ZEB2: variants seen among roughly 807,000 people sequenced by gnomAD.
ZEB2 encodes zinc finger E-box-binding homeobox 2.
Under a neutral mutation model 99.9 loss-of-function variants are expected in ZEB2, and 6 were observed. The ratio of observed to expected loss-of-function variants is 0.06; its 90% CI spans 0.03 to 0.12. The LOEUF (loss-of-function observed/expected upper bound fraction) is 0.12, where lower values mean the gene tolerates loss of function less well. Among genes scored for constraint, ZEB2 ranks in the 10% least tolerant of loss-of-function variants. The pLI, the probability that ZEB2 is intolerant of heterozygous loss-of-function variation, is 1.00. For synonymous variants in ZEB2, 517 were observed against 542.5 expected (o/e 0.95, Z 0.65); for missense variants, 969 against 1,502.8 (o/e 0.64, Z 5.87).
intron 2 of ZEB2, chr2:144,507,280 C>A (rs1704963376): frequency 6.6e-6 from 1 of 152,058 alleles, no homozygotes; most frequent in South Asian, 2.1e-4. Context: ...GGATTAGATA[C>A]AATAGAGTAT....
chr2:144,517,743 G>A, intron 1 of ZEB2: 2 of 696,462 alleles, frequency 2.9e-6, no homozygotes, highest in Non-Finnish European at 5.2e-6. Context: ...GGGCTAGGCG[G>A]ACCCTTTCCT....
Position 144,433,048 on chromosome 2 carries a change from T to G in ZEB2, c.74-3022A>C, listed in dbSNP as rs534355050. On this transcript the variant is annotated intron_variant, in intron 2 of 9. Transcript: ENST00000627532. ...ACCCTTTGCATGAGTCTCAGCAAAATTTTAGACATGTATTGGAGCTACATG... is the reference window on the plus strand; with the variant it reads ...ACCCTTTGCATGAGTCTCAGCAAAAGTTTAGACATGTATTGGAGCTACATG... Among the ~76,000 whole-genome samples the G allele has an allele frequency of 4.6e-5, 7 of 152,272 alleles. No individual in the cohort carries two copies. In the South Asian group the frequency reaches 1.2e-3, roughly 27 times the overall value.
At position 144,398,963 on chromosome 2, in the gene ZEB2, G is replaced by A; in HGVS notation, c.2224C>T (p.Pro742Ser). ...CTGTTGTGGAGTTCTGCTATAGATG[G>A]TGATGTTATGGAGTCCATAGGTTTT... ...PVKPMDSITS[P>S]SIAELHNSVT... The change falls in exon 8 of 10, where the codon CCA becomes TCA. Residue 742 changes from proline (P) to serine (S), a missense_variant. Physicochemically the swap from Pro to Ser is moderately conservative, Grantham distance 74. Around this residue, in one of 8 missense-constraint regions of ZEB2, gnomAD observed 346 missense variants for 460.0 expected, o/e 0.75. Coordinates refer to ENST00000627532, the MANE Select transcript of ZEB2 (RefSeq NM_014795.4). 6.2e-7 allele frequency: 1 copy of A among 1,614,192 alleles called. No homozygotes were observed. The highest frequency in any genetic ancestry group is 8.5e-7 in the Non-Finnish European group (1 of 1,180,036).
intron 2 of ZEB2, among the ~76,000 whole-genome samples, chr2:144,441,128 C>T (rs1462319753): frequency 7.0e-6 from 1 of 143,372 alleles, no homozygotes; most frequent in East Asian, 2.0e-4. Flanking sequence ...GTTCAATGAT[C>T]ACCCTCTTTT....
In ZEB2 at chr2:144,398,876, G is replaced by C; in HGVS notation, c.2311C>G (p.Pro771Ala). Reference protein sequence around the residue: ...TKPSHFTNIKPVEKLDHSRSN... With the variant: ...TKPSHFTNIKAVEKLDHSRSN... ...CTGGAGTGGTCCAATTTTTCAACTG[G>C]TTTAATATTGGTAAAATGGGAAGGT... The change falls in exon 8 of 10, where the codon CCA (proline) becomes GCA (alanine). Residue 771 changes from proline (P) to alanine (A), a missense_variant. This residue lies in a region of ZEB2 where 346 missense variants were observed against 460.0 expected (regional missense o/e 0.75). Coordinates refer to ENST00000627532, the MANE Select transcript of ZEB2 (RefSeq NM_014795.4). 10 of 1,614,156 alleles carry C rather than the reference G, an allele frequency of 6.2e-6. No homozygotes were observed. The highest frequency in any genetic ancestry group is 8.5e-6 in the Non-Finnish European group (10 of 1,180,016).
intron 2 of ZEB2, chr2:144,503,899 T>C (rs573867568): frequency 1.2e-4 from 18 of 152,120 alleles, no homozygotes; most frequent in Non-Finnish European, 1.8e-4. Flanking sequence ...GGAGTATCTC[T>C]TCAAATATAA....
At chr2:144,427,771 G>A (rs1703708686) in intron 3 of ZEB2, 1 of 152,170 alleles carries the variant, frequency 6.6e-6, no homozygotes, top group Admixed American at 6.5e-5. Flanking sequence ...AGCCAAATGA[G>A]ATTAGGGATT....
At chr2:144,410,869 T>C (rs1703450580) in intron 4 of ZEB2, among the ~76,000 whole-genome samples, 1 of 151,612 alleles carries the variant, frequency 6.6e-6, no homozygotes, top group Middle Eastern at 3.4e-3. Context: ...TTGCAGCAAG[T>C]ATATGTAAAA....
intron 2 of ZEB2, among the ~76,000 whole-genome samples, chr2:144,467,446 C>G (rs1246186146): frequency 1.3e-5 from 2 of 152,028 alleles, no homozygotes; most frequent in East Asian, 1.9e-4. Context: ...AGACATAGAG[C>G]CTTTTAAGAA....
At chr2:144,396,740 A>T in intron 8 of ZEB2, 148 bp from the exon 9 acceptor site, 1 of 774,686 alleles carries the variant, frequency 1.3e-6, no homozygotes, top group Non-Finnish European at 2.2e-6. Context: ...ACAATATATG[A>T]GGTCTCAATA....
intron 2 of ZEB2, among the ~76,000 whole-genome samples, chr2:144,474,626 G>A (rs906488751): frequency 2.9e-4 from 44 of 152,130 alleles, no homozygotes; most frequent in Non-Finnish European, 2.4e-4. Context: ...AGAGTACTAC[G>A]TAATAACTGA....
chr2:144,506,562 C>A (rs1360183730), intron 2 of ZEB2, among the ~76,000 whole-genome samples: 1 of 152,106 alleles, frequency 6.6e-6, no homozygotes, highest in African/African-American at 2.4e-5. Flanking sequence ...CAAGAATAGG[C>A]AATTGCAATT....
chr2:144,497,363 C>T (rs2149922601), intron 2 of ZEB2, among the ~76,000 whole-genome samples: 1 of 152,216 alleles, frequency 6.6e-6, no homozygotes, highest in African/African-American at 2.4e-5. Flanking sequence ...ATTTTTTGAT[C>T]CACAGACCTC....
intron 3 of ZEB2, chr2:144,427,880 A>G (rs1009115995): frequency 6.6e-6 from 1 of 152,190 alleles, no homozygotes; most frequent in African/African-American, 2.4e-5. Context: ...AGGCACCATT[A>G]ACTACAGGTG....
rs756342486 is a variant in ZEB2 at position 144,404,852 on chromosome 2, A to G, written c.576T>C (p.Asn192=). 1.1e-5 allele frequency: 17 copies of G among 1,613,988 alleles called. No individual in the cohort carries two copies. Among genetic ancestry groups the G allele is most frequent in the Non-Finnish European group, 1.4e-5 (16 of 1,179,990 alleles). The part of the protein sequence containing the change: ...ELSRLGTPEA[N]GQEENDLPPG... ...CAGCCTCACCATTTTCTTCTTGCCC[A>G]TTGGCCTCTGGCGTGCCAAGGCGAG... The change falls in exon 5 of 10, where the codon AAT becomes AAC. Residue 192 remains asparagine, a synonymous_variant. Coordinates refer to ENST00000627532, the MANE Select transcript of ZEB2 (RefSeq NM_014795.4).
At chr2:144,436,278 A>T (rs1703835892) in intron 2 of ZEB2, among the ~76,000 whole-genome samples, 1 of 152,200 alleles carries the variant, frequency 6.6e-6, no homozygotes, top group Non-Finnish European at 1.5e-5. Context: ...TTGTTAACAT[A>T]CTATAGTCAG....
At position 144,424,815 on chromosome 2, in the gene ZEB2, G is replaced by A. The variant is rs573552493; in HGVS notation, c.384C>T (p.Thr128=). The stretch of plus-strand genomic sequence containing the variant: ...ACTCACCTGTACCATTGTTAATTGC[G>A]GTCTGGATCGTGGCTTCTGGCCCCA... The part of the protein sequence containing the change: ...DTMGPEATIQ[T]AINNGTVKNA... Residue 128 remains threonine, a synonymous_variant, in exon 4 of 10, where the codon ACC becomes ACT. Transcript: ENST00000627532. 21 of 1,613,986 alleles carry A rather than the reference G, an allele frequency of 1.3e-5. No individual in the cohort carries two copies. The highest frequency in any genetic ancestry group is 1.1e-4 in the African/African-American group (8 of 75,012).
At chr2:144,468,612 A>G (rs1704307341) in intron 2 of ZEB2, among the ~76,000 whole-genome samples, 1 of 152,068 alleles carries the variant, frequency 6.6e-6, no homozygotes, top group Non-Finnish European at 1.5e-5. Context: ...CGATGGAGTT[A>G]GCACATGTGT....
At chr2:144,406,424 T>C (rs919112969) in intron 4 of ZEB2, among the ~76,000 whole-genome samples, 1 of 152,002 alleles carries the variant, frequency 6.6e-6, no homozygotes, top group African/African-American at 2.4e-5. Context: ...AGTTATATGG[T>C]GGTATAAAAA....
Sources: allele counts gnomAD v4.1 joint callset (sites outside exome capture counted in the v4.1 genomes callset), GRCh38; gene constraint gnomAD v4.1.1; regional missense constraint gnomAD v4.1.1; transcripts MANE v1.5; gene names NCBI Gene and HGNC (gene_info 2026-07-23, HGNC 2026-07-21).